MACROH2A1: variants seen among roughly 807,000 people sequenced by gnomAD.
The protein encoded by MACROH2A1 is core histone macro-H2A.1.
A neutral mutation model predicts 31.6 loss-of-function variants in MACROH2A1; 2 were observed. The ratio of observed to expected loss-of-function variants is 0.06; its 90% CI spans 0.03 to 0.20. The LOEUF is 0.20. Among genes scored for constraint, MACROH2A1 ranks in the 10% least tolerant of loss-of-function variants. MACROH2A1 has a pLI of 1.00. For missense variants in MACROH2A1, 230 were observed against 474.0 expected, an observed-to-expected ratio of 0.49 and a Z score of 4.78; for synonymous variants, 169 against 189.6, an observed-to-expected ratio of 0.89 and a Z score of 0.89.
At chr5:135,350,423 G>A (rs1448746084) in intron 6 of MACROH2A1, among the ~76,000 whole-genome samples, 1 of 152,106 alleles carries the variant, frequency 6.6e-6, no homozygotes, top group Non-Finnish European at 1.5e-5. Context: ...GTGGTGACCT[G>A]TGCACAGGCA....
Position 135,337,025 on chromosome 5 carries a change from T to C in MACROH2A1, c.954-1884A>G, listed in dbSNP as rs112659623. On this transcript the variant is annotated intron_variant, in intron 8 of 8. Coordinates refer to ENST00000511689, the MANE Select transcript of MACROH2A1 (RefSeq NM_138610.3). ...GGATGTGACCTGGATCAACGGGGGC[T>C]GCAGGGTGCTGAGAGGAGCTGTGAG... 6.2e-3 allele frequency among the ~76,000 whole-genome samples: 939 copies of C among 152,312 alleles called. 13 individuals are homozygous for C. The highest frequency in any genetic ancestry group is 0.022 in the African/African-American group (895 of 41,582).
chr5:135,334,552 GA>G lies in MACROH2A1; in HGVS notation c.*423del, dbSNP rs1257786855. On this transcript the variant is annotated 3_prime_UTR_variant, in exon 9 of 9. Transcript: ENST00000511689. ...CAAATTCATGATTCTTCTGAGGGGG[GA>G]AACCAAAAGAACATTAGAGTAAAAA... The G allele has an allele frequency of 1.7e-5, 3 of 177,094 alleles. No individual in the cohort carries two copies. The highest frequency in any genetic ancestry group is 3.6e-5 in the Non-Finnish European group (3 of 83,868). The allele number at this position is 177,094 out of a possible 1,614,324, so 11.0% of individuals were successfully genotyped here.
intron 2 of MACROH2A1, among the ~76,000 whole-genome samples, chr5:135,375,447 C>A (rs1445717556): frequency 6.6e-6 from 1 of 152,214 alleles, no homozygotes; most frequent in African/African-American, 2.4e-5. Context: ...CACCCAGAGA[C>A]GAAAGGCTTA....
Position 135,363,407 on chromosome 5 carries a change from T to C in MACROH2A1, c.478-2800A>G, listed in dbSNP as rs374239853. Among the ~76,000 whole-genome samples, 3 of 152,340 alleles carry C rather than the reference T, an allele frequency of 2.0e-5. No individual in the cohort carries two copies. In the East Asian group the frequency reaches 5.8e-4, roughly 29 times the overall value. On this transcript the variant is annotated intron_variant, in intron 4 of 8. Transcript: ENST00000511689. The stretch of plus-strand genomic sequence containing the variant: ...AGGTGCTTAAGGTCGTTACAGTTGC[T>C]TGTGAGGTGTTAACACATTCAAATC...
intron 2 of MACROH2A1, among the ~76,000 whole-genome samples, chr5:135,373,188 C>A (rs945555285): frequency 1.1e-4 from 16 of 152,150 alleles, no homozygotes; most frequent in African/African-American, 3.9e-4. Context: ...TGAGAGAAGG[C>A]TCAGTGGCCG....
At chr5:135,340,765 C>A (rs1315366338) in intron 8 of MACROH2A1, among the ~76,000 whole-genome samples, 1 of 152,214 alleles carries the variant, frequency 6.6e-6, no homozygotes, top group Non-Finnish European at 1.5e-5. Context: ...TGTTTTATTT[C>A]CCCTCCTAAA....
chr5:135,338,083 A>C (rs1342788036), intron 8 of MACROH2A1: 1 of 904,718 alleles, frequency 1.1e-6, no homozygotes, highest in African/African-American at 1.8e-5. Context: ...GCTTGTAGCA[A>C]AATGGAATGT....
chr5:135,393,350 T>C (rs1352449703), intron 1 of MACROH2A1, among the ~76,000 whole-genome samples: 3 of 152,018 alleles, frequency 2.0e-5, no homozygotes, highest in South Asian at 2.1e-4. Context: ...GCAAGAGAGG[T>C]TGGGAAATGT....
At chr5:135,378,243 C>T (rs1012255317) in intron 2 of MACROH2A1, among the ~76,000 whole-genome samples, 2 of 152,256 alleles carry the variant, frequency 1.3e-5, no homozygotes, top group African/African-American at 2.4e-5. Context: ...CCCAGTACCT[C>T]GCTTGCTCTG....
At chr5:135,396,173 T>G (rs1767947952) in intron 1 of MACROH2A1, among the ~76,000 whole-genome samples, 1 of 152,120 alleles carries the variant, frequency 6.6e-6, no homozygotes, top group Non-Finnish European at 1.5e-5. Flanking sequence ...TTCTACATAC[T>G]CCTCTCTCTT....
At chr5:135,384,824 T>C (rs887888078) in intron 2 of MACROH2A1, among the ~76,000 whole-genome samples, 10 of 152,020 alleles carry the variant, frequency 6.6e-5, no homozygotes, top group African/African-American at 2.4e-4. Context: ...TTTCACGGAG[T>C]ATAAAACTAT....
At chr5:135,347,845 T>C (rs11958487) in intron 6 of MACROH2A1, among the ~76,000 whole-genome samples, 3,619 of 152,320 alleles carry the variant, frequency 0.024, 158 homozygotes, top group African/African-American at 0.082. Context: ...GCAACAAAAA[T>C]GCTGGAGGCT....
At chr5:135,355,274 C>T (rs1170933691) in intron 5 of MACROH2A1, 1 of 456,050 alleles carries the variant, frequency 2.2e-6, no homozygotes, top group Admixed American at 2.3e-5. Flanking sequence ...GAATTCTCAG[C>T]TTCCTTTGGA....
intron 2 of MACROH2A1, among the ~76,000 whole-genome samples, chr5:135,377,614 C>T (rs780774780): frequency 3.3e-5 from 5 of 152,202 alleles, no homozygotes; most frequent in Admixed American, 6.5e-5. Flanking sequence ...GGAGCAGCTT[C>T]GCCCACTGGG....
intron 2 of MACROH2A1, among the ~76,000 whole-genome samples, chr5:135,376,426 A>C (rs1231957931): frequency 6.6e-6 from 1 of 152,224 alleles, no homozygotes. Flanking sequence ...CATTATACAT[A>C]ATAACACAGG....
intron 2 of MACROH2A1, among the ~76,000 whole-genome samples, chr5:135,374,876 GGAAAAGAACAATTAGGAGAAGAAACA>G (rs1431023004): frequency 2.6e-5 from 4 of 152,130 alleles, no homozygotes; most frequent in Non-Finnish European, 2.9e-5. Context: ...AGGAAGAAAC[GGAAAAGAACAATTAGGAGAAGAAACA>G]GAACCCCTTA....
chr5:135,344,571 A>G (rs1195658080), intron 7 of MACROH2A1: 1 of 152,054 alleles, frequency 6.6e-6, no homozygotes, highest in Non-Finnish European at 1.5e-5. Flanking sequence ...AAAACCTGAC[A>G]TTGGGGGTTG....
At chr5:135,357,863 T>C (rs1418973568) in intron 5 of MACROH2A1, 2 of 984,888 alleles carry the variant, frequency 2.0e-6, no homozygotes, top group Non-Finnish European at 2.4e-6. Flanking sequence ...GTCAGGCTCC[T>C]AAGCCTGGGC....
chr5:135,354,497 T>A (rs1761941407), intron 5 of MACROH2A1: 1 of 153,498 alleles, frequency 6.5e-6, no homozygotes, highest in Admixed American at 6.5e-5. Flanking sequence ...CCAAGTATTA[T>A]TCATATGGAC....
Sources: gnomAD v4.1 joint callset for allele counts (sites outside exome capture counted in the v4.1 genomes callset) on GRCh38, gnomAD v4.1.1 for gene constraint, MANE v1.5 for transcripts, NCBI Gene and HGNC (gene_info 2026-07-23, HGNC 2026-07-21) for gene names.